GATAD2A: variants seen among roughly 807,000 people sequenced by gnomAD.
GATAD2A encodes GATA zinc finger domain containing 2A, also known as transcriptional repressor p66-alpha.
Under a neutral mutation model 68.5 loss-of-function variants are expected in GATAD2A, and 12 were observed. The ratio of observed to expected loss-of-function variants is 0.18; its 90% CI spans 0.11 to 0.28. The LOEUF is 0.28. Ranked by LOEUF, GATAD2A falls within the 10% of genes least tolerant of loss-of-function variation. The pLI, the probability that GATAD2A is intolerant of heterozygous loss-of-function variation, is 1.00. For synonymous variants in GATAD2A, 410 were observed against 375.3 expected, an observed-to-expected ratio of 1.09 and a Z score of -1.07; for missense variants, 755 against 868.5, an observed-to-expected ratio of 0.87 and a Z score of 1.64.
chr19:19,490,747 A>C (rs566546962), intron 2 of GATAD2A, among the ~76,000 whole-genome samples: 1 of 152,178 alleles, frequency 6.6e-6, no homozygotes, highest in African/African-American at 2.4e-5. Context: ...TTAGCCCGGC[A>C]TGATGGTGCA....
upstream of GATAD2A, among the ~76,000 whole-genome samples, chr19:19,404,491 C>G (rs995122700): frequency 6.6e-6 from 1 of 151,544 alleles, no homozygotes; most frequent in Non-Finnish European, 1.5e-5. Flanking sequence ...CCATCCTGGC[C>G]AAGATGGTGA....
chr19:19,431,317 G>A (rs1480002652), intron 1 of GATAD2A, among the ~76,000 whole-genome samples: 1 of 150,832 alleles, frequency 6.6e-6, no homozygotes, highest in Non-Finnish European at 1.5e-5. Flanking sequence ...TGCACTGATT[G>A]TATTGCAGGG....
intron 1 of GATAD2A, among the ~76,000 whole-genome samples, chr19:19,462,414 G>A (rs940011214): frequency 5.3e-5 from 8 of 152,236 alleles, no homozygotes; most frequent in African/African-American, 1.9e-4. Flanking sequence ...CCCTCCAGCT[G>A]TGCCTGTCCT....
chr19:19,492,295 C>T lies in GATAD2A; in HGVS notation c.270-11C>T, dbSNP rs375787893. 23 of 1,597,026 alleles carry T rather than the reference C, an allele frequency of 1.4e-5. No homozygotes were observed. The African/African-American group carries it at 2.8e-4, about 20-fold the overall frequency. On this transcript the variant is annotated splice_polypyrimidine_tract_variant and intron_variant, in intron 2 of 11. Coordinates refer to ENST00000683918, the MANE Select transcript of GATAD2A (RefSeq NM_001384528.1). ...AAGGGCGCTCTGGTCACTACTGTCT[C>T]CACCCCACAGTGACATGAAGTCCGA...
At chr19:19,464,875 G>A (rs1367352760) in intron 1 of GATAD2A, 2 of 222,146 alleles carry the variant, frequency 9.0e-6, no homozygotes, top group Middle Eastern at 3.6e-3. Context: ...CCACAGCATA[G>A]GGCTAGTCCC....
At position 19,498,576 on chromosome 19, in the gene GATAD2A, G is replaced by T. The variant is rs780418588; in HGVS notation, c.1058G>T (p.Arg353Leu). ...SRQAAAKLAL[R>L]KQLEKTLLEI... ...CAGGCGGCCGCCAAGCTGGCGCTGC[G>T]CAAACAGCTGGAGAAGACGCTACTC... Residue 353 changes from arginine (R) to leucine (L), a missense_variant, in exon 8 of 12, where the codon CGC becomes CTC. Coordinates refer to ENST00000683918, the MANE Select transcript of GATAD2A (RefSeq NM_001384528.1). 6.2e-7 allele frequency: 1 copy of T among 1,613,748 alleles called. No homozygotes were observed. The highest frequency in any genetic ancestry group is 8.5e-7 in the Non-Finnish European group (1 of 1,180,024).
chr19:19,401,165 G>T (rs2049700151), upstream of GATAD2A, among the ~76,000 whole-genome samples: 1 of 135,030 alleles, frequency 7.4e-6, no homozygotes. Context: ...AAAAAAAGTA[G>T]TCAGTGTTCG....
At chr19:19,476,799 A>AG (rs1158232917) in intron 2 of GATAD2A, among the ~76,000 whole-genome samples, 9 of 152,306 alleles carry the variant, frequency 5.9e-5, no homozygotes, top group Middle Eastern at 3.4e-3. Flanking sequence ...CGTCACACCC[A>AG]GGGGGGCAGT....
At chr19:19,499,898 G>A (rs2060409071) in intron 8 of GATAD2A, among the ~76,000 whole-genome samples, 1 of 152,242 alleles carries the variant, frequency 6.6e-6, no homozygotes. Context: ...CTATGGGGAG[G>A]TGAGGCTCTG....
intron 1 of GATAD2A, among the ~76,000 whole-genome samples, chr19:19,446,851 A>C (rs926125327): frequency 1.3e-5 from 2 of 152,120 alleles, no homozygotes; most frequent in South Asian, 4.1e-4. Context: ...GGGCCACTGC[A>C]TAGTGCCTGG....
intron 9 of GATAD2A, 43 bp downstream of exon 9, chr19:19,501,459 G>A (rs748615916): frequency 6.1e-6 from 9 of 1,481,962 alleles, no homozygotes; most frequent in Non-Finnish European, 8.2e-6. Context: ...CTAGGAGGCA[G>A]AGGCCGTTCC....
rs575842361 is a variant in GATAD2A at position 19,426,921 on chromosome 19, T to C, written c.-7+20902T>C. On this transcript the variant is annotated intron_variant, in intron 1 of 11. Transcript: ENST00000683918. ...GCTGGGGAGCAGAGTTTCAGAACCA[T>C]GCTTTGTTTGGCACCATGGGTATAC... Among the ~76,000 whole-genome samples, 4 of 152,320 alleles carry C rather than the reference T, an allele frequency of 2.6e-5. No homozygotes were observed. The East Asian group carries it at 7.7e-4, about 29-fold the overall frequency.
At chr19:19,499,044 C>T (rs2060341619) in intron 8 of GATAD2A, among the ~76,000 whole-genome samples, 1 of 152,200 alleles carries the variant, frequency 6.6e-6, no homozygotes, top group Non-Finnish European at 1.5e-5. Context: ...CCACGAAGGG[C>T]TCTCAGGCCA....
intron 2 of GATAD2A, among the ~76,000 whole-genome samples, chr19:19,482,533 C>G (rs1035181495): frequency 1.3e-5 from 2 of 152,174 alleles, no homozygotes; most frequent in Admixed American, 6.5e-5. Flanking sequence ...CACAGGAGCT[C>G]AGGTGCTGTA....
intron 2 of GATAD2A, among the ~76,000 whole-genome samples, chr19:19,469,829 C>G (rs768601854): frequency 1.2e-4 from 18 of 152,090 alleles, no homozygotes; most frequent in Non-Finnish European, 1.8e-4. Flanking sequence ...CACCTATAGT[C>G]CCAGCTACTT....
At chr19:19,470,404 G>T (rs1039708961) in intron 2 of GATAD2A, among the ~76,000 whole-genome samples, 10 of 152,122 alleles carry the variant, frequency 6.6e-5, no homozygotes, top group African/African-American at 2.4e-4. Flanking sequence ...AAATTGCTGG[G>T]ATTACAGGCG....
intron 1 of GATAD2A, among the ~76,000 whole-genome samples, chr19:19,390,304 T>A (rs1034674442): frequency 6.6e-6 from 1 of 151,936 alleles, no homozygotes; most frequent in Non-Finnish European, 1.5e-5. Context: ...GATGAATGAA[T>A]GAATCCGAGA....
At chr19:19,504,384 T>C (rs751508940) in intron 11 of GATAD2A, among the ~76,000 whole-genome samples, 2 of 152,230 alleles carry the variant, frequency 1.3e-5, no homozygotes, top group Non-Finnish European at 2.9e-5. Flanking sequence ...TGAACAAATA[T>C]TACATTTAAG....
intron 1 of GATAD2A, among the ~76,000 whole-genome samples, chr19:19,429,970 C>T (rs1263332629): frequency 6.6e-6 from 1 of 152,084 alleles, no homozygotes. Context: ...TCTCCCCTGA[C>T]TTCTTGGCGG....
Sources: gnomAD v4.1 joint callset for allele counts (sites outside exome capture counted in the v4.1 genomes callset) on GRCh38, gnomAD v4.1.1 for gene constraint, MANE v1.5 for transcripts, NCBI Gene and HGNC (gene_info 2026-07-23, HGNC 2026-07-21) for gene names.